The following GPR158 variants were observed in gnomAD, a reference collection of about 807,000 sequenced individuals.
GPR158 encodes metabotropic glycine receptor.
A neutral mutation model predicts 78.2 loss-of-function variants in GPR158; 30 were observed. That is an observed-to-expected ratio of 0.38 (90% confidence interval 0.29 to 0.52). GPR158 has a LOEUF of 0.52. Among genes scored for constraint, GPR158 ranks in the 20% least tolerant of loss-of-function variants. GPR158 has a pLI of 0.83. For synonymous variants in GPR158, 581 were observed against 591.1 expected, an observed-to-expected ratio of 0.98 and a Z score of 0.25; for missense variants, 1,463 against 1,523.5, an observed-to-expected ratio of 0.96 and a Z score of 0.66.
At chr10:25,348,921 A>G (rs944452278) in intron 2 of GPR158, among the ~76,000 whole-genome samples, 4 of 151,986 alleles carry the variant, frequency 2.6e-5, no homozygotes, top group African/African-American at 4.8e-5. Context: ...AGAAAAGCAA[A>G]CCACCTGAAC....
At chr10:25,204,310 G>A (rs1852983138) in intron 1 of GPR158, among the ~76,000 whole-genome samples, 1 of 152,200 alleles carries the variant, frequency 6.6e-6, no homozygotes, top group Non-Finnish European at 1.5e-5. Context: ...AGTGTTGAGA[G>A]AAAGCATCCC....
intron 2 of GPR158, among the ~76,000 whole-genome samples, chr10:25,326,369 A>AT (rs36054617): frequency 0.8 from 121,735 of 152,050 alleles, 49,756 homozygotes; most frequent in African/African-American, 0.9. Context: ...TGCTTTACCC[A>AT]TTTTTAATTG....
At chr10:25,343,717 C>T (rs572090971) in intron 2 of GPR158, among the ~76,000 whole-genome samples, 1 of 152,112 alleles carries the variant, frequency 6.6e-6, no homozygotes, top group East Asian at 1.9e-4. Flanking sequence ...GCACCCCTGA[C>T]AATTCTGAGA....
chr10:25,456,347 C>G (rs1361352252), intron 4 of GPR158, among the ~76,000 whole-genome samples: 2 of 152,120 alleles, frequency 1.3e-5, no homozygotes, highest in Non-Finnish European at 2.9e-5. Context: ...CTCCAAATGT[C>G]AAACAAAACA....
chr10:25,209,152 C>T (rs2130666799), intron 1 of GPR158, among the ~76,000 whole-genome samples: 1 of 152,288 alleles, frequency 6.6e-6, no homozygotes, highest in Middle Eastern at 3.4e-3. Flanking sequence ...TGCGCCCAGC[C>T]ACTTCCTGTT....
At chr10:25,478,049 G>A (rs746585776) in intron 5 of GPR158, among the ~76,000 whole-genome samples, 2 of 152,196 alleles carry the variant, frequency 1.3e-5, no homozygotes, top group African/African-American at 4.8e-5. Flanking sequence ...GATCATTGGT[G>A]GGAGTGGCTG....
chr10:25,546,259 TGCATATTTGAGAA>T (rs1836660847), intron 5 of GPR158, among the ~76,000 whole-genome samples: 1 of 152,174 alleles, frequency 6.6e-6, no homozygotes, highest in African/African-American at 2.4e-5. Context: ...TTTTATTTTG[TGCATATTTGAGAA>T]GCCTAATAGT....
intron 2 of GPR158, among the ~76,000 whole-genome samples, chr10:25,324,614 A>T (rs956957698): frequency 6.6e-6 from 1 of 152,172 alleles, no homozygotes; most frequent in African/African-American, 2.4e-5. Context: ...ACGCAAAGTG[A>T]TCACCTGCTG....
intron 2 of GPR158, among the ~76,000 whole-genome samples, chr10:25,347,621 ACTAT>A (rs1462056637): frequency 1.3e-5 from 2 of 152,050 alleles, no homozygotes; most frequent in African/African-American, 4.8e-5. Context: ...TAAATAAATG[ACTAT>A]CTAGAAAATT....
intron 5 of GPR158, among the ~76,000 whole-genome samples, chr10:25,468,321 C>G (rs1468949933): frequency 1.3e-5 from 2 of 152,176 alleles, no homozygotes; most frequent in Non-Finnish European, 2.9e-5. Flanking sequence ...TCTGCCTACT[C>G]TAACGCAAAT....
At chr10:25,333,627 T>C (rs1855158406) in intron 2 of GPR158, among the ~76,000 whole-genome samples, 1 of 152,148 alleles carries the variant, frequency 6.6e-6, no homozygotes, top group Non-Finnish European at 1.5e-5. Flanking sequence ...GAATGAATGA[T>C]TGAAAATAGA....
At chr10:25,360,544 A>G (rs1055392262) in intron 2 of GPR158, among the ~76,000 whole-genome samples, 1 of 152,142 alleles carries the variant, frequency 6.6e-6, no homozygotes, top group African/African-American at 2.4e-5. Flanking sequence ...CGGGTTTGTC[A>G]AAGATCAGGT....
chr10:25,466,582 C>T, intron 4 of GPR158, 69 bp from the exon 5 acceptor site: 1 of 985,392 alleles, frequency 1.0e-6, no homozygotes, highest in Admixed American at 2.1e-5. Context: ...GTGGCATTTT[C>T]ACAATAGCGT....
At chr10:25,507,301 G>T (rs999232264) in intron 5 of GPR158, among the ~76,000 whole-genome samples, 1 of 152,208 alleles carries the variant, frequency 6.6e-6, no homozygotes. Context: ...CAGCACTAAA[G>T]ATGACTACAC....
chr10:25,387,890 T>C (rs1834244236), intron 2 of GPR158, among the ~76,000 whole-genome samples: 4 of 152,214 alleles, frequency 2.6e-5, no homozygotes, highest in Admixed American at 2.6e-4. Flanking sequence ...AATTCTCCAT[T>C]GAAGACATCT....
intron 4 of GPR158, among the ~76,000 whole-genome samples, chr10:25,433,580 CGT>C (rs148919557): frequency 2.5e-3 from 340 of 133,756 alleles, no homozygotes; most frequent in South Asian, 0.019. Flanking sequence ...TGCGCGCGCG[CGT>C]GCGCGTGCGC....
intron 1 of GPR158, among the ~76,000 whole-genome samples, chr10:25,215,251 A>G (rs1853192657): frequency 6.6e-6 from 1 of 152,230 alleles, no homozygotes; most frequent in African/African-American, 2.4e-5. Flanking sequence ...ACTAAGTGAA[A>G]TAAGCCAGTC....
intron 2 of GPR158, among the ~76,000 whole-genome samples, chr10:25,271,882 T>C (rs1854123084): frequency 6.6e-6 from 1 of 152,118 alleles, no homozygotes; most frequent in Non-Finnish European, 1.5e-5. Context: ...TCAGGTGATC[T>C]GCCCACCTCG....
intron 5 of GPR158, among the ~76,000 whole-genome samples, chr10:25,522,964 A>G (rs1467763708): frequency 6.6e-6 from 1 of 152,188 alleles, no homozygotes; most frequent in Non-Finnish European, 1.5e-5. Context: ...GTAAAATTGT[A>G]TTTAAAAGTA....
Sources: gnomAD v4.1 joint callset for allele counts (sites outside exome capture counted in the v4.1 genomes callset) on GRCh38, gnomAD v4.1.1 for gene constraint, MANE v1.5 for transcripts, NCBI Gene and HGNC (gene_info 2026-07-23, HGNC 2026-07-21) for gene names.